DNAAF1: variants seen among roughly 807,000 people sequenced by gnomAD.
DNAAF1 encodes dynein assembly factor 1, axonemal.
In DNAAF1, 65 loss-of-function variants were observed where a neutral mutation model predicts 71.1. That is an observed-to-expected ratio of 0.91 (90% CI 0.75 to 1.12). The LOEUF is 1.12. Ranked by LOEUF, DNAAF1 falls within the 50% of genes most tolerant of loss-of-function variation. The probability of loss-of-function intolerance (pLI) is 0.00; values close to 1 mark genes in which losing one functional copy is unlikely to be tolerated. For missense variants in DNAAF1, 1,178 were observed against 899.8 expected (o/e 1.31, Z -3.96); for synonymous variants, 414 against 354.6 (o/e 1.17, Z -1.88).
intron 6 of DNAAF1, among the ~76,000 whole-genome samples, chr16:84,160,212 C>A (rs938770689): frequency 6.6e-6 from 1 of 152,176 alleles, no homozygotes; most frequent in East Asian, 1.9e-4. Flanking sequence ...GGGTGAAGAT[C>A]GTACCCCATT....
At chr16:84,174,858 T>C (rs972555715) in intron 10 of DNAAF1, 136 bp downstream of exon 10, 105 of 1,126,186 alleles carry the variant, frequency 9.3e-5, no homozygotes, top group Non-Finnish European at 1.3e-4. Context: ...ATATTCTTTT[T>C]CTTTTCTTTT....
chr16:84,150,284 G>T lies in DNAAF1; in HGVS notation c.294G>T (p.Lys98Asn). ...AAAGTTCCCTGCAAAAACTCTGCAA[G>T]CAGCACAAGCTTTATATTACCCCAG... ...MTKSSLQKLC[K>N]QHKLYITPAL... is the part of the protein sequence containing the mutation. Residue 98 changes from lysine (K) to asparagine (N), a missense_variant, in exon 3 of 12, where the codon AAG (lysine) becomes AAT (asparagine). Physicochemically the swap from Lys to Asn is moderately conservative, Grantham distance 94. Coordinates refer to ENST00000378553, the MANE Select transcript of DNAAF1 (RefSeq NM_178452.6). 4 of 1,613,978 alleles carry T rather than the reference G, an allele frequency of 2.5e-6. No individual in the cohort carries two copies. The highest frequency in any genetic ancestry group is 3.4e-6 in the Non-Finnish European group (4 of 1,179,874).
At chr16:84,166,814 T>G (rs2088032405) in intron 7 of DNAAF1, among the ~76,000 whole-genome samples, 1 of 152,222 alleles carries the variant, frequency 6.6e-6, no homozygotes, top group African/African-American at 2.4e-5. Context: ...TTTTTCAAAA[T>G]AAATGATGTA....
At chr16:84,157,883 A>G (rs770138351) in intron 5 of DNAAF1, among the ~76,000 whole-genome samples, 2 of 152,286 alleles carry the variant, frequency 1.3e-5, no homozygotes, top group Middle Eastern at 3.4e-3. Flanking sequence ...TGGGGTTGCC[A>G]TAAGTACCGG....
intron 9 of DNAAF1, 108 bp downstream of exon 9, chr16:84,172,483 G>A: frequency 2.0e-6 from 3 of 1,531,654 alleles, no homozygotes; most frequent in Non-Finnish European, 2.6e-6. Context: ...GTGGTCCTTG[G>A]GCCGGCAGGC....
intron 7 of DNAAF1, among the ~76,000 whole-genome samples, chr16:84,167,606 A>G (rs1048566852): frequency 6.6e-6 from 1 of 152,100 alleles, no homozygotes; most frequent in Admixed American, 6.5e-5. Flanking sequence ...ATTAGAACAA[A>G]AGAGCCTCCT....
intron 3 of DNAAF1, among the ~76,000 whole-genome samples, chr16:84,153,164 C>A (rs189590619): frequency 1.3e-5 from 2 of 152,032 alleles, no homozygotes; most frequent in African/African-American, 2.4e-5. Context: ...AAAATCCTAT[C>A]TTTTATAGAT....
Position 84,145,333 on chromosome 16 carries a change from GC to G in DNAAF1, c.-107del. 2 of 1,520,060 alleles carry G rather than the reference GC, an allele frequency of 1.3e-6. No homozygotes were observed. 94.2% of individuals were successfully genotyped at this position (1,520,060 alleles called of 1,614,324 possible). Reference sequence around the variant, plus strand: ...GTAAAGACTAGGGCGCCAGCGGCTGGCGAAGAAGGAAAGAGGGTACTCTCTG... The same window carrying G: ...GTAAAGACTAGGGCGCCAGCGGCTGGGAAGAAGGAAAGAGGGTACTCTCTG... On this transcript the variant is annotated 5_prime_UTR_variant, in exon 1 of 12. Transcript: ENST00000378553.
At chr16:84,150,814 A>C (rs1262910083) in intron 3 of DNAAF1, among the ~76,000 whole-genome samples, 1 of 152,018 alleles carries the variant, frequency 6.6e-6, no homozygotes, top group Admixed American at 6.6e-5. Context: ...GGGTTTCGCC[A>C]TGTTGGCCAT....
intron 11 of DNAAF1, chr16:84,176,902 C>T (rs2088715204): frequency 5.8e-6 from 1 of 171,296 alleles, no homozygotes; most frequent in East Asian, 1.5e-4. Context: ...GGCCTCCCCT[C>T]ATACTGCAGG....
intron 7 of DNAAF1, among the ~76,000 whole-genome samples, chr16:84,169,512 C>G (rs2088209187): frequency 6.6e-6 from 1 of 151,374 alleles, no homozygotes; most frequent in Non-Finnish European, 1.5e-5. Flanking sequence ...CTCCACCTCC[C>G]AGGTTCAAGC....
At chr16:84,158,378 C>G (rs2087542553) in intron 5 of DNAAF1, among the ~76,000 whole-genome samples, 1 of 152,156 alleles carries the variant, frequency 6.6e-6, no homozygotes, top group African/African-American at 2.4e-5. Context: ...GCCGTGTGTT[C>G]TCTGTGTCCT....
chr16:84,159,857 T>C lies in DNAAF1; in HGVS notation c.863+61T>C, dbSNP rs138722744. 1.9e-4 allele frequency: 309 copies of C among 1,585,690 alleles called. No homozygotes were observed. In the African/African-American group the frequency reaches 3.7e-3, roughly 19 times the overall value. Reference sequence around the variant, plus strand: ...ATTTAGTAGTTGACCATGCTTAATATTAAACTTTTTAAATTTCTGATTCTT... The same window carrying C: ...ATTTAGTAGTTGACCATGCTTAATACTAAACTTTTTAAATTTCTGATTCTT... On this transcript the variant is annotated intron_variant, in intron 6 of 11. Transcript: ENST00000378553.
chr16:84,153,852 C>T (rs1001232972), intron 3 of DNAAF1, among the ~76,000 whole-genome samples: 2 of 152,118 alleles, frequency 1.3e-5, no homozygotes, highest in African/African-American at 2.4e-5. Flanking sequence ...GGGTTACCCC[C>T]ACTGCACCCC....
At chr16:84,153,049 CA>C (rs2087256425) in intron 3 of DNAAF1, among the ~76,000 whole-genome samples, 1 of 151,542 alleles carries the variant, frequency 6.6e-6, no homozygotes, top group African/African-American at 2.4e-5. Flanking sequence ...AGTTTGGAAA[CA>C]AAGACAACAA....
At chr16:84,169,399 T>G (rs2088202926) in intron 7 of DNAAF1, among the ~76,000 whole-genome samples, 2 of 151,454 alleles carry the variant, frequency 1.3e-5, no homozygotes, top group South Asian at 4.2e-4. Flanking sequence ...CGAGGACACT[T>G]TTTAAACTAT....
At chr16:84,177,285 T>G in intron 11 of DNAAF1, 1 of 255,240 alleles carries the variant, frequency 3.9e-6, no homozygotes, top group Non-Finnish European at 7.8e-6. Flanking sequence ...TTGTTTTTGT[T>G]TGTTTTGTTT....
rs765676142 is a variant in DNAAF1, at chr16:84,148,596, C to CTTTTTTTTTTTT, written c.125-404_125-393dup. Among the ~76,000 whole-genome samples the CTTTTTTTTTTTT allele has an allele frequency of 1.6e-3, 69 of 43,570 alleles. 8 individuals carry two copies. The highest frequency in any genetic ancestry group is 9.2e-3 in the East Asian group (9 of 976). The allele number at this position is 43,570 out of a possible 152,430, so 28.6% of individuals were successfully genotyped here. A position where few individuals can be genotyped will look rare whatever the true frequency, so the allele number is the denominator to read the frequency against. ...AAAGATTACTGTTCTCTCTCTCTCT[C>CTTTTTTTTTTTT]TTTTTTTTTTTTTTTTTTGGTGAGA... On this transcript the variant is annotated intron_variant, in intron 1 of 11. Transcript: ENST00000378553.
chr16:84,172,423 G>T, intron 9 of DNAAF1, 48 bp downstream of exon 9: 1 of 1,602,032 alleles, frequency 6.2e-7, no homozygotes, highest in South Asian at 1.1e-5. Flanking sequence ...TTTACTGTTA[G>T]TAAAATAGGT....
Sources: allele counts gnomAD v4.1 joint callset (sites outside exome capture counted in the v4.1 genomes callset), GRCh38; gene constraint gnomAD v4.1.1; transcripts MANE v1.5; gene names NCBI Gene and HGNC (gene_info 2026-07-23, HGNC 2026-07-21).